LARGE1: variants seen among roughly 807,000 people sequenced by gnomAD.
LARGE1 encodes the protein xylosyl- and glucuronyltransferase LARGE1.
A neutral mutation model predicts 87.6 loss-of-function variants in LARGE1; 43 were observed. The ratio of observed to expected loss-of-function variants is 0.49; its 90% CI spans 0.38 to 0.63. LARGE1 has a LOEUF of 0.63. Among genes scored for constraint, LARGE1 ranks in the 30% least tolerant of loss-of-function variants. The probability of loss-of-function intolerance (pLI) is 0.00; values close to 1 mark genes in which losing one functional copy is unlikely to be tolerated. For missense variants in LARGE1, 802 were observed against 1,000.2 expected (o/e 0.80, Z 2.67); for synonymous variants, 434 against 394.6 (o/e 1.10, Z -1.18).
intron 10 of LARGE1, among the ~76,000 whole-genome samples, chr22:33,321,455 A>C (rs1936705241): frequency 6.6e-6 from 1 of 152,254 alleles, no homozygotes; most frequent in Admixed American, 6.5e-5. Flanking sequence ...AAACGTAACC[A>C]ACTGCTATGC....
At chr22:33,761,274 T>C (rs1401846671) in intron 2 of LARGE1, 97 bp downstream of exon 2, 2 of 956,406 alleles carry the variant, frequency 2.1e-6, no homozygotes, top group African/African-American at 3.2e-5. Context: ...AAATACATAT[T>C]CCTATTAGAT....
At chr22:33,601,056 C>G (rs1400033881) in intron 5 of LARGE1, among the ~76,000 whole-genome samples, 1 of 152,068 alleles carries the variant, frequency 6.6e-6, no homozygotes, top group Non-Finnish European at 1.5e-5. Context: ...GGCGACAGAG[C>G]AAGACTCTGT....
intron 2 of LARGE1, among the ~76,000 whole-genome samples, chr22:33,729,429 A>C (rs1310596165): frequency 6.6e-6 from 1 of 152,224 alleles, no homozygotes; most frequent in Non-Finnish European, 1.5e-5. Context: ...AAGGGATATA[A>C]ACTATCACTA....
At chr22:33,150,587 T>A in the LARGE1 span, among the ~76,000 whole-genome samples, 1 of 152,230 alleles carries the variant, frequency 6.6e-6, no homozygotes. Flanking sequence ...GGCCATTCTG[T>A]TTACCTCAAG....
intron 7 of LARGE1, among the ~76,000 whole-genome samples, chr22:33,385,527 CAAAAAAA>C (rs75780176): frequency 5.1e-5 from 1 of 19,434 alleles, no homozygotes; most frequent in African/African-American, 1.4e-4. Flanking sequence ...GACACCGTCT[CAAAAAAA>C]AAAAAAAAAA....
intron 1 of LARGE1, among the ~76,000 whole-genome samples, chr22:33,890,624 T>C (rs575489301): frequency 6.6e-6 from 1 of 152,178 alleles, no homozygotes; most frequent in African/African-American, 2.4e-5. Flanking sequence ...CAAGAATCAC[T>C]GCACATAATG....
At chr22:33,512,432 C>T (rs2148449064) in intron 6 of LARGE1, among the ~76,000 whole-genome samples, 1 of 152,228 alleles carries the variant, frequency 6.6e-6, no homozygotes. Flanking sequence ...AAATAAAAGG[C>T]AGAAGTCAGA....
At chr22:33,139,170 C>G in the LARGE1 span, among the ~76,000 whole-genome samples, 5 of 152,134 alleles carry the variant, frequency 3.3e-5, no homozygotes, top group Non-Finnish European at 7.3e-5. Flanking sequence ...TTATAAATTA[C>G]CCAGTCTTGG....
chr22:33,648,763 C>G (rs2080699525), intron 3 of LARGE1, among the ~76,000 whole-genome samples: 1 of 152,200 alleles, frequency 6.6e-6, no homozygotes. Context: ...AAATGTGCAG[C>G]ATTTATCACG....
At chr22:33,513,585 C>T (rs547751302) in intron 6 of LARGE1, among the ~76,000 whole-genome samples, 1 of 152,254 alleles carries the variant, frequency 6.6e-6, no homozygotes, top group Admixed American at 6.5e-5. Context: ...ATGCAACTCT[C>T]TTCAATACAC....
chr22:33,373,160 A>G (rs1445329902), intron 9 of LARGE1, among the ~76,000 whole-genome samples: 3 of 152,206 alleles, frequency 2.0e-5, no homozygotes, highest in Non-Finnish European at 4.4e-5. Flanking sequence ...GTTGCCTGTA[A>G]TTAGAAGGCA....
intron 1 of LARGE1, among the ~76,000 whole-genome samples, chr22:33,809,551 C>T (rs2086425772): frequency 6.6e-6 from 1 of 152,182 alleles, no homozygotes; most frequent in Admixed American, 6.5e-5. Context: ...GTGGGCCTCA[C>T]ATTCTGCATG....
chr22:33,199,843 CT>C (rs3071494), intron 11 of LARGE1, among the ~76,000 whole-genome samples: 4,186 of 146,668 alleles, frequency 0.029, 110 homozygotes, highest in South Asian at 0.13. Context: ...CGTGCAGACA[CT>C]TTTTTTTTTT....
At chr22:33,431,118 A>G (rs1481182047) in intron 7 of LARGE1, among the ~76,000 whole-genome samples, 1 of 152,214 alleles carries the variant, frequency 6.6e-6, no homozygotes, top group Non-Finnish European at 1.5e-5. Flanking sequence ...ATGGGATACC[A>G]CAGCAGTGGC....
At chr22:33,113,661 G>A in the LARGE1 span, among the ~76,000 whole-genome samples, 1 of 152,196 alleles carries the variant, frequency 6.6e-6, no homozygotes, top group Non-Finnish European at 1.5e-5. Context: ...ATCTCCCTAT[G>A]CCTCAGTTGG....
At chr22:33,338,857 T>G (rs8135835) in intron 9 of LARGE1, among the ~76,000 whole-genome samples, 20,010 of 151,948 alleles carry the variant, frequency 0.13, 2,721 homozygotes, top group African/African-American at 0.35. Flanking sequence ...CGATCAAGAA[T>G]AAATGAGAGG....
chr22:33,412,123 A>G (rs556223916), intron 7 of LARGE1, among the ~76,000 whole-genome samples: 1 of 152,254 alleles, frequency 6.6e-6, no homozygotes, highest in South Asian at 2.1e-4. Context: ...GTCTCTACTA[A>G]AAGTACAAAA....
chr22:33,796,397 C>T (rs996477282), intron 1 of LARGE1, among the ~76,000 whole-genome samples: 7 of 152,120 alleles, frequency 4.6e-5, no homozygotes, highest in Non-Finnish European at 1.0e-4. Context: ...TGACCAGCGT[C>T]GCCGACTTCT....
chr22:33,908,379 A>G (rs139018006), intron 1 of LARGE1, among the ~76,000 whole-genome samples: 29 of 152,304 alleles, frequency 1.9e-4, no homozygotes, highest in African/African-American at 6.7e-4. Context: ...AGGCAGGACT[A>G]CCTGAGCTGG....
Sources: allele counts gnomAD v4.1 joint callset (sites outside exome capture counted in the v4.1 genomes callset), GRCh38; gene constraint gnomAD v4.1.1; transcripts MANE v1.5; gene names NCBI Gene and HGNC (gene_info 2026-07-23, HGNC 2026-07-21).